DNAJC16: variants seen among roughly 807,000 people sequenced by gnomAD.
The protein encoded by DNAJC16 is DnaJ heat shock protein family (Hsp40) member C16, also known as dnaJ homolog subfamily C member 16.
In DNAJC16, 76 loss-of-function variants were observed where a neutral mutation model predicts 92.7. That is an observed-to-expected ratio of 0.82 (90% confidence interval 0.68 to 0.99). DNAJC16 has a LOEUF of 0.99. Among genes scored for constraint, DNAJC16 ranks in the 50% least tolerant of loss-of-function variants. The pLI is 0.00. For synonymous variants in DNAJC16, 328 were observed against 358.7 expected (o/e 0.91, Z 0.97); for missense variants, 869 against 942.4 (o/e 0.92, Z 1.02).
intron 2 of DNAJC16, 78 bp from the exon 3 acceptor site, chr1:15,534,159 A>T: frequency 6.7e-7 from 1 of 1,483,506 alleles, no homozygotes; most frequent in South Asian, 1.2e-5. Flanking sequence ...TCTGTAGTGA[A>T]CTCTGTGGAC....
In DNAJC16 at chr1:15,536,333, G is replaced by C. The variant is rs1710783783; in HGVS notation, c.235-142G>C. 6.2e-6 allele frequency: 4 copies of C among 642,488 alleles called. No individual in the cohort carries two copies. In the Admixed American group the frequency reaches 1.3e-4, roughly 21 times the overall value. The allele number at this position is 642,488 out of a possible 1,614,324, so 39.8% of individuals were successfully genotyped here. A position where few individuals can be genotyped will look rare whatever the true frequency, so the allele number is the denominator to read the frequency against. On this transcript the variant is annotated intron_variant, in intron 3 of 14. Coordinates refer to ENST00000375847, the MANE Select transcript of DNAJC16 (RefSeq NM_015291.4). ...GACCTCAAGTGATCCACCCGCCTCA[G>C]CCTCCCAAAGTGCTGGGATTACAGG...
chr1:15,544,403 A>G lies in DNAJC16; in HGVS notation c.579A>G (p.Val193=), dbSNP rs1478722678. The part of the protein sequence containing the change: ...EVIQELEELG[V]GIGVVHAGYE... The stretch of plus-strand genomic sequence containing the variant: ...TGGATCTTCCATTCTTTTCAGGTGT[A>G]GGAATTGGCGTGGTCCATGCTGGGT... The change falls in exon 5 of 15, where the codon GTA becomes GTG. Residue 193 remains valine (V), a synonymous_variant. Coordinates refer to ENST00000375847, the MANE Select transcript of DNAJC16 (RefSeq NM_015291.4). 6.2e-6 allele frequency: 10 copies of G among 1,608,736 alleles called. No homozygotes were observed. The South Asian group carries it at 9.9e-5, about 16-fold the overall frequency.
In DNAJC16 at chr1:15,568,875, C is replaced by CT. The variant is rs1638880616; in HGVS notation, c.*698_*699insT. 1.0e-5 allele frequency: 4 copies of CT among 395,844 alleles called. No homozygotes were observed. The highest frequency in any genetic ancestry group is 1.8e-5 in the Non-Finnish European group (4 of 224,608). 24.5% of individuals were successfully genotyped at this position (395,844 alleles called of 1,614,324 possible). A position where few individuals can be genotyped will look rare whatever the true frequency, so the allele number is the denominator to read the frequency against. On this transcript the variant is annotated 3_prime_UTR_variant, in exon 15 of 15. Transcript: ENST00000375847. Reference sequence around the variant, plus strand: ...GCTGAAGCGATGCAGCCTTGAGACACGCTGTGAGCATCCCATCCGCCGCCC... The same window carrying CT: ...GCTGAAGCGATGCAGCCTTGAGACACTGCTGTGAGCATCCCATCCGCCGCCC...
chr1:15,562,457 C>T, intron 9 of DNAJC16, 132 bp downstream of exon 9: 1 of 979,360 alleles, frequency 1.0e-6, no homozygotes, highest in Non-Finnish European at 1.4e-6. Context: ...TTTTCAAAGT[C>T]TACTCTTTTG....
In DNAJC16 at chr1:15,568,545, C is replaced by T. The variant is rs1638872296; in HGVS notation, c.*368C>T. 2.4e-6 allele frequency: 1 copy of T among 424,926 alleles called. No individual in the cohort carries two copies. Among genetic ancestry groups the T allele is most frequent in the Non-Finnish European group, 4.1e-6 (1 of 241,492 alleles). 26.3% of individuals were successfully genotyped at this position (424,926 alleles called of 1,614,324 possible). On this transcript the variant is annotated 3_prime_UTR_variant, in exon 15 of 15. Transcript: ENST00000375847. ...ACCCTGCAAGCGGCATCTGGCGGAC[C>T]CTCATGAGCCTGTCGTGCAGGCCAG... is the stretch of plus-strand genomic sequence containing the variant.
rs776330570 is a variant in DNAJC16, at chr1:15,544,413, G to A, written c.589G>A (p.Val197Met). 20 of 1,612,346 alleles carry A rather than the reference G, an allele frequency of 1.2e-5. No individual in the cohort carries two copies. Among genetic ancestry groups the A allele is most frequent in the Middle Eastern group, 3.3e-4 (2 of 6,068 alleles). Residue 197 changes from valine (V) to methionine (M), a missense_variant, in exon 5 of 15, where the codon GTG becomes ATG. Coordinates refer to ENST00000375847, the MANE Select transcript of DNAJC16 (RefSeq NM_015291.4). ...ATTCTTTTCAGGTGTAGGAATTGGCGTGGTCCATGCTGGGTATGAGAGACG... is the reference window on the plus strand; with the variant it reads ...ATTCTTTTCAGGTGTAGGAATTGGCATGGTCCATGCTGGGTATGAGAGACG... ...ELEELGVGIG[V>M]VHAGYERRLA...
At chr1:15,536,855 A>G (rs781683186) in intron 4 of DNAJC16, 41 bp downstream of exon 4, 23 of 1,520,684 alleles carry the variant, frequency 1.5e-5, no homozygotes, top group Non-Finnish European at 2.0e-5. Flanking sequence ...TATATAGATG[A>G]CTTTTTTTTT....
intron 4 of DNAJC16, among the ~76,000 whole-genome samples, chr1:15,541,851 CCT>C (rs993957600): frequency 5.9e-5 from 9 of 152,140 alleles, no homozygotes; most frequent in African/African-American, 1.9e-4. Context: ...GCACAGATCT[CCT>C]AACACCCTTG....
intron 1 of DNAJC16, 35 bp from the exon 2 acceptor site, chr1:15,529,053 G>A (rs1370887817): frequency 1.3e-6 from 2 of 1,589,042 alleles, no homozygotes; most frequent in Non-Finnish European, 1.7e-6. Context: ...CCAGGTTTCT[G>A]CCACTGAAAC....
intron 6 of DNAJC16, among the ~76,000 whole-genome samples, chr1:15,547,177 CT>C (rs1638330158): frequency 6.7e-6 from 1 of 149,540 alleles, no homozygotes; most frequent in African/African-American, 2.5e-5. Context: ...CAGAGTCTCG[CT>C]CTGTCGCCCA....
At position 15,568,927 on chromosome 1, in the gene DNAJC16, G is replaced by A. The variant is rs1638882021; in HGVS notation, c.*750G>A. ...AGCGCTGCTGGTAGCCAGGGGAGGG[G>A]TCTGCACAGCGAGAAGTACTGTGAT... On this transcript the variant is annotated 3_prime_UTR_variant, in exon 15 of 15. Coordinates refer to ENST00000375847, the MANE Select transcript of DNAJC16 (RefSeq NM_015291.4). 2 of 385,590 alleles carry A rather than the reference G, an allele frequency of 5.2e-6. No individual in the cohort carries two copies. Among genetic ancestry groups the A allele is most frequent in the Non-Finnish European group, 9.2e-6 (2 of 217,834 alleles). The allele number at this position is 385,590 out of a possible 1,614,324, so 23.9% of individuals were successfully genotyped here. A position where few individuals can be genotyped will look rare whatever the true frequency, so the allele number is the denominator to read the frequency against.
chr1:15,540,382 T>C (rs112867770), intron 4 of DNAJC16, among the ~76,000 whole-genome samples: 1,749 of 152,218 alleles, frequency 0.011, 39 homozygotes, highest in African/African-American at 0.039. Context: ...TTTATCATTC[T>C]TTATTCTATT....
rs556602071 is a variant in DNAJC16 at position 15,562,354 on chromosome 1, G to A, written c.1338+29G>A. The A allele has an allele frequency of 4.5e-5, 71 of 1,588,966 alleles. No homozygotes were observed. In the South Asian group the frequency reaches 7.6e-4, roughly 17 times the overall value. On this transcript the variant is annotated intron_variant, in intron 9 of 14. Transcript: ENST00000375847. ...AGCCACAGAGTCTCTCCTCATCCCA[G>A]GCTCTTCATAACCATGTGGCACTTG...
rs1157993989 is a variant in DNAJC16 at position 15,547,742 on chromosome 1, A to G, written c.865-528A>G. 2.6e-5 allele frequency among the ~76,000 whole-genome samples: 4 copies of G among 152,094 alleles called. No homozygotes were observed. In the East Asian group the frequency reaches 7.7e-4, roughly 29 times the overall value. On this transcript the variant is annotated intron_variant, in intron 6 of 14. Transcript: ENST00000375847. ...AAGGCATGAGCCACCACGCCTGGCC[A>G]CTATCCCTGTTTGCATAGAGCAAGA...
rs1040529572 is a variant in DNAJC16, at chr1:15,567,880, A to G, written c.2052A>G (p.Gln684=). The G allele has an allele frequency of 1.2e-6, 2 of 1,614,182 alleles. No individual in the cohort carries two copies. Among genetic ancestry groups the G allele is most frequent in the South Asian group, 1.1e-5 (1 of 91,084 alleles). ...AAGATGCAGCTCCAATCCCAAACCAATATGATAAGCATTTCATGGAGCGTG... is the reference window on the plus strand; with the variant it reads ...AAGATGCAGCTCCAATCCCAAACCAGTATGATAAGCATTTCATGGAGCGTG... ...FAQDAAPIPN[Q]YDKHFMERDY... Residue 684 remains glutamine, a synonymous_variant, in exon 15 of 15, where the codon CAA becomes CAG. Coordinates refer to ENST00000375847, the MANE Select transcript of DNAJC16 (RefSeq NM_015291.4).
chr1:15,564,408 T>C (rs111776669), intron 11 of DNAJC16, 49 bp downstream of exon 11: 3 of 1,157,094 alleles, frequency 2.6e-6, no homozygotes, highest in Non-Finnish European at 3.9e-6. Flanking sequence ...AATACTGATA[T>C]CACTGTTTTT....
In DNAJC16 at chr1:15,548,424, T is replaced by C. The variant is rs762797706; in HGVS notation, c.1019T>C (p.Ile340Thr). The change falls in exon 7 of 15, where the codon ATC (isoleucine) becomes ACC (threonine). Residue 340 changes from isoleucine (I) to threonine (T), a missense_variant. Coordinates refer to ENST00000375847, the MANE Select transcript of DNAJC16 (RefSeq NM_015291.4). ...CATATAAACAGGCCTGCCGATGTTA[T>C]CCAGGTACGTGAGGGTCACCTTGGT... is the stretch of plus-strand genomic sequence containing the variant. ...KEHINRPADV[I>T]QARGMKKQII... 13 of 1,610,758 alleles carry C rather than the reference T, an allele frequency of 8.1e-6. No individual in the cohort carries two copies. In the South Asian group the frequency reaches 1.4e-4, roughly 18 times the overall value.
chr1:15,555,793 A>G (rs1638556433), intron 7 of DNAJC16, among the ~76,000 whole-genome samples: 1 of 151,806 alleles, frequency 6.6e-6, no homozygotes, highest in South Asian at 2.1e-4. Context: ...GGAGTTCGAG[A>G]CCAGCCTGAC....
chr1:15,545,837 C>CT (rs902790343), intron 5 of DNAJC16, among the ~76,000 whole-genome samples: 3 of 152,076 alleles, frequency 2.0e-5, no homozygotes, highest in African/African-American at 4.8e-5. Context: ...GAAAGATAAA[C>CT]TTTTTTTAAC....
Sources: gnomAD v4.1 joint callset for allele counts (sites outside exome capture counted in the v4.1 genomes callset) on GRCh38, gnomAD v4.1.1 for gene constraint, MANE v1.5 for transcripts, NCBI Gene and HGNC (gene_info 2026-07-23, HGNC 2026-07-21) for gene names.